The following REEP6 variants were observed in gnomAD, a reference collection of about 807,000 sequenced individuals.
The protein encoded by REEP6 is receptor expression-enhancing protein 6.
Under a neutral mutation model 22.4 loss-of-function variants are expected in REEP6, and 19 were observed. The ratio of observed to expected loss-of-function variants is 0.85; its 90% CI spans 0.59 to 1.25. The LOEUF (loss-of-function observed/expected upper bound fraction) is 1.25. REEP6 is among the 50% of genes most tolerant of loss of function. REEP6 has a pLI of 0.00. For missense variants in REEP6, 273 were observed against 251.9 expected (o/e 1.08, Z -0.57); for synonymous variants, 121 against 113.6 (o/e 1.06, Z -0.41).
intron 4 of REEP6, 54 bp downstream of exon 4, chr19:1,496,507 G>A (rs940589580): frequency 3.1e-6 from 5 of 1,587,602 alleles, no homozygotes; most frequent in Non-Finnish European, 4.3e-6. Context: ...GTCTGGACCT[G>A]TCTCTCTCCA....
chr19:1,491,352 A>C lies in REEP6; in HGVS notation c.83A>C (p.Lys28Thr). 1 of 1,477,130 alleles carries C rather than the reference A, an allele frequency of 6.8e-7. No homozygotes were observed. The highest frequency in any genetic ancestry group is 9.0e-7 in the Non-Finnish European group (1 of 1,115,052). The allele number at this position is 1,477,130 out of a possible 1,614,324, so 91.5% of individuals were successfully genotyped here. Residue 28 changes from lysine to threonine, a missense_variant, in exon 1 of 5, where the codon AAG becomes ACG. Transcript: ENST00000233596. The surrounding 1 kb of genome is among the most constrained non-coding windows in gnomAD (Gnocchi z 5.4). ...GAAGTGCTGGGGGCGCTGGAGGCCA[A>C]GACCGGGGTGGAGAAGCGGTATCTG... ...VTEVLGALEAKTGVEKRYLAA... is the reference protein window; with the variant it reads ...VTEVLGALEATTGVEKRYLAA...
At position 1,491,216 on chromosome 19, in the gene REEP6, G is replaced by A. The variant is rs866050870; in HGVS notation, c.-54G>A. On this transcript the variant is annotated 5_prime_UTR_variant, in exon 1 of 5. Transcript: ENST00000233596. The surrounding 1 kb of genome is among the most constrained non-coding windows in gnomAD (Gnocchi z 5.4). ...AAAGCGGTGCGCGTGCAGCGGGGTG[G>A]GTGCCCTGGTCCGCGGGCGAGCTCG... 3 of 1,269,268 alleles carry A rather than the reference G, an allele frequency of 2.4e-6. No individual in the cohort carries two copies. Among genetic ancestry groups the A allele is most frequent in the Non-Finnish European group, 3.2e-6 (3 of 947,722 alleles). 78.6% of individuals were successfully genotyped at this position (1,269,268 alleles called of 1,614,324 possible).
At chr19:1,493,935 A>G (rs1487859549) in intron 1 of REEP6, among the ~76,000 whole-genome samples, 1 of 152,144 alleles carries the variant, frequency 6.6e-6, no homozygotes, top group Non-Finnish European at 1.5e-5. Flanking sequence ...TAAAAATACA[A>G]AAATCAGCTG....
intron 1 of REEP6, among the ~76,000 whole-genome samples, chr19:1,493,960 C>T (rs1044483852): frequency 5.3e-5 from 8 of 152,134 alleles, no homozygotes; most frequent in Non-Finnish European, 1.2e-4. Context: ...TGGTGGTACG[C>T]TCAGCTACTC....
At position 1,491,334 on chromosome 19, in the gene REEP6, TG is replaced by T; in HGVS notation, c.70del (p.Ala24ArgfsTer21). On this transcript the variant is annotated frameshift_variant, in exon 1 of 5. Coordinates refer to ENST00000233596, the MANE Select transcript of REEP6 (RefSeq NM_138393.4). LOFTEE classifies it high-confidence loss of function. The surrounding 1 kb of genome is among the most constrained non-coding windows in gnomAD (Gnocchi z 5.4). ...LEQRNLVTEV[L>X]GALEAKTGVE... ...CAAAGGAACCTGGTCACCGAAGTGC[TG>T]GGGGCGCTGGAGGCCAAGACCGGGG... 5 of 1,481,078 alleles carry T rather than the reference TG, an allele frequency of 3.4e-6. No individual in the cohort carries two copies. Among genetic ancestry groups the T allele is most frequent in the Non-Finnish European group, 4.5e-6 (5 of 1,116,490 alleles). 91.7% of individuals were successfully genotyped at this position (1,481,078 alleles called of 1,614,324 possible).
Position 1,497,147 on chromosome 19 carries a change from C to A in REEP6, c.518-27C>A. Reference sequence around the variant, plus strand: ...GGGAGCCCAGGCCTGCCTCACGGCCCTCCCCCACCCGCCCCTCTCTCTGCA... The same window carrying A: ...GGGAGCCCAGGCCTGCCTCACGGCCATCCCCCACCCGCCCCTCTCTCTGCA... On this transcript the variant is annotated intron_variant, in intron 4 of 4. Coordinates refer to ENST00000233596, the MANE Select transcript of REEP6 (RefSeq NM_138393.4). This position sits in a 1 kb window ranked among gnomAD's most constrained non-coding sequence, Gnocchi z 6.5. 7.4e-7 allele frequency: 1 copy of A among 1,351,482 alleles called. No individual in the cohort carries two copies. The highest frequency in any genetic ancestry group is 9.8e-7 in the Non-Finnish European group (1 of 1,015,286). 83.7% of individuals were successfully genotyped at this position (1,351,482 alleles called of 1,614,324 possible).
intron 4 of REEP6, 49 bp downstream of exon 4, chr19:1,496,502 G>A (rs1391214107): frequency 1.3e-6 from 2 of 1,593,948 alleles, no homozygotes; most frequent in Non-Finnish European, 1.7e-6. Flanking sequence ...CCCGGGTCTG[G>A]ACCTGTCTCT....
Position 1,491,236 on chromosome 19 carries a change from A to G in REEP6, c.-34A>G. ...GGGTGGGTGCCCTGGTCCGCGGGCG[A>G]GCTCGAGCAGCCAACCCCGGGCGCG... is the stretch of plus-strand genomic sequence containing the variant. On this transcript the variant is annotated 5_prime_UTR_variant, in exon 1 of 5. Coordinates refer to ENST00000233596, the MANE Select transcript of REEP6 (RefSeq NM_138393.4). This position sits in a 1 kb window ranked among gnomAD's most constrained non-coding sequence, Gnocchi z 5.4. 1 of 1,417,118 alleles carries G rather than the reference A, an allele frequency of 7.1e-7. No homozygotes were observed. The highest frequency in any genetic ancestry group is 9.4e-7 in the Non-Finnish European group (1 of 1,068,300). 87.8% of individuals were successfully genotyped at this position (1,417,118 alleles called of 1,614,324 possible). A position where few individuals can be genotyped will look rare whatever the true frequency, so the allele number is the denominator to read the frequency against.
chr19:1,495,843 G>C (rs1366226767), intron 3 of REEP6: 3 of 608,964 alleles, frequency 4.9e-6, no homozygotes, highest in African/African-American at 3.8e-5. Context: ...GATGGTGGAG[G>C]GCTCACCCTA....
rs1457024997 is a variant in REEP6, at chr19:1,495,535, C to T, written c.276C>T (p.Tyr92=). The change falls in exon 3 of 5, where the codon TAC becomes TAT. Residue 92 remains tyrosine, a synonymous_variant. Transcript: ENST00000233596. The part of the protein sequence containing the change: ...DTVWLTYWVV[Y]ALFGLAEFFS... ...TGTGGCTCACCTACTGGGTGGTGTA[C>T]GCCCTGTTTGGGCTGGCCGAGTTCT... 5.0e-6 allele frequency: 8 copies of T among 1,613,988 alleles called. No individual in the cohort carries two copies. Among genetic ancestry groups the T allele is most frequent in the Admixed American group, 1.7e-5 (1 of 60,006 alleles).
chr19:1,496,180 C>A (rs1352671620), intron 3 of REEP6, 105 bp from the exon 4 acceptor site: 2 of 1,356,684 alleles, frequency 1.5e-6, no homozygotes, highest in Non-Finnish European at 9.9e-7. Context: ...GGTGGAGACC[C>A]AGTGCCTGTC....
chr19:1,495,696 C>A, intron 3 of REEP6, 89 bp downstream of exon 3: 1 of 1,539,944 alleles, frequency 6.5e-7, no homozygotes, highest in Non-Finnish European at 8.9e-7. Context: ...CCGGAGGATA[C>A]CAGGAGATGG....
At position 1,491,818 on chromosome 19, in the gene REEP6, C is replaced by G. The variant is rs2084949904; in HGVS notation, c.115+434C>G. Among the ~76,000 whole-genome samples the G allele has an allele frequency of 6.6e-6, 1 of 152,196 alleles. No homozygotes were observed. Among genetic ancestry groups the G allele is most frequent in the Non-Finnish European group, 1.5e-5 (1 of 68,022 alleles). The stretch of plus-strand genomic sequence containing the variant: ...AAGGGGAACGGACCGTCCTGGGGGC[C>G]TGCCCAGGACCCTTCTCCTTTCCTC... On this transcript the variant is annotated intron_variant, in intron 1 of 4. Coordinates refer to ENST00000233596, the MANE Select transcript of REEP6 (RefSeq NM_138393.4). The surrounding 1 kb of genome is among the most constrained non-coding windows in gnomAD (Gnocchi z 5.4).
At chr19:1,496,500 T>C (rs1162440971) in intron 4 of REEP6, 47 bp downstream of exon 4, 2 of 1,595,140 alleles carry the variant, frequency 1.3e-6, no homozygotes, top group Non-Finnish European at 1.7e-6. Flanking sequence ...CTCCCGGGTC[T>C]GGACCTGTCT....
chr19:1,495,410 A>G, intron 2 of REEP6, 23 bp downstream of exon 2: 1 of 1,613,776 alleles, frequency 6.2e-7, no homozygotes, highest in East Asian at 2.2e-5. Context: ...CTGGCTGCCC[A>G]CGCGGGGGGT....
At chr19:1,493,506 C>G (rs1240113185) in intron 1 of REEP6, among the ~76,000 whole-genome samples, 2 of 152,088 alleles carry the variant, frequency 1.3e-5, no homozygotes, top group Admixed American at 6.5e-5. Flanking sequence ...ATAGCAGCCC[C>G]AGGGGAGGAG....
At chr19:1,496,833 GGT>G (rs959360576) in intron 4 of REEP6, among the ~76,000 whole-genome samples, 1 of 152,068 alleles carries the variant, frequency 6.6e-6, no homozygotes. Context: ...GTGTATGTTT[GGT>G]GTGTGAGTGA....
intron 3 of REEP6, 47 bp from the exon 4 acceptor site, chr19:1,496,238 G>A (rs1331718045): frequency 2.6e-6 from 4 of 1,565,060 alleles, no homozygotes; most frequent in Non-Finnish European, 3.5e-6. Flanking sequence ...CCCACCAGGG[G>A]CACAGAGCTG....
intron 4 of REEP6, among the ~76,000 whole-genome samples, chr19:1,496,957 T>C (rs1456997428): frequency 6.6e-6 from 1 of 152,176 alleles, no homozygotes; most frequent in East Asian, 1.9e-4. Context: ...AGTGCGTGCG[T>C]GTGCATGACT....
Sources: gnomAD v4.1 joint callset for allele counts (sites outside exome capture counted in the v4.1 genomes callset) on GRCh38, gnomAD v4.1.1 for gene constraint, Gnocchi (gnomAD v3.1) non-coding constraint, MANE v1.5 for transcripts, NCBI Gene and HGNC (gene_info 2026-07-23, HGNC 2026-07-21) for gene names.